The following UBE2H variants were observed in gnomAD, a reference collection of about 807,000 sequenced individuals.
UBE2H encodes ubiquitin conjugating enzyme E2 H.
A neutral mutation model predicts 29.0 loss-of-function variants in UBE2H; 3 were observed. The observed-to-expected ratio is 0.10, with a 90% CI of 0.05 to 0.27. The LOEUF is 0.27. Among genes scored for constraint, UBE2H ranks in the 10% least tolerant of loss-of-function variants. The probability of loss-of-function intolerance (pLI) is 1.00; values close to 1 mark genes in which losing one functional copy is unlikely to be tolerated. For missense variants in UBE2H, 68 were observed against 228.2 expected (o/e 0.30, Z 4.52); for synonymous variants, 69 against 82.9 (o/e 0.83, Z 0.91).
chr7:129,920,683 T>C (rs994086091), intron 1 of UBE2H, among the ~76,000 whole-genome samples: 2 of 152,022 alleles, frequency 1.3e-5, no homozygotes, highest in African/African-American at 4.8e-5. Context: ...GAGGCTTTAG[T>C]GTAACTTCAG....
chr7:129,932,154 G>A (rs1359018993), intron 1 of UBE2H, among the ~76,000 whole-genome samples: 2 of 144,490 alleles, frequency 1.4e-5, no homozygotes, highest in African/African-American at 5.2e-5. Flanking sequence ...ATGGAGTCTC[G>A]CTCTTGTTGC....
At chr7:129,907,164 C>T (rs1427200875) in intron 1 of UBE2H, among the ~76,000 whole-genome samples, 1 of 151,640 alleles carries the variant, frequency 6.6e-6, no homozygotes. Flanking sequence ...GTGCTAAAAA[C>T]TCCGTTGTAC....
intron 1 of UBE2H, among the ~76,000 whole-genome samples, chr7:129,937,605 G>A (rs1441410349): frequency 6.6e-6 from 1 of 152,132 alleles, no homozygotes; most frequent in African/African-American, 2.4e-5. Flanking sequence ...AACAACACAG[G>A]TATACTCACA....
At chr7:129,934,638 TAAAAA>T (rs758214225) in intron 1 of UBE2H, among the ~76,000 whole-genome samples, 10 of 65,840 alleles carry the variant, frequency 1.5e-4, no homozygotes, top group African/African-American at 4.1e-4. Context: ...ACTCCGTCTT[TAAAAA>T]AAAAAAAAAA....
At chr7:129,901,283 C>A (rs1428197430) in intron 1 of UBE2H, among the ~76,000 whole-genome samples, 1 of 152,164 alleles carries the variant, frequency 6.6e-6, no homozygotes, top group Non-Finnish European at 1.5e-5. Flanking sequence ...GGAGCCCAGG[C>A]AGTCTAGTTC....
intron 1 of UBE2H, among the ~76,000 whole-genome samples, chr7:129,929,078 G>A (rs1047511859): frequency 6.6e-6 from 1 of 152,184 alleles, no homozygotes; most frequent in Non-Finnish European, 1.5e-5. Flanking sequence ...CAGCACTTTG[G>A]GAGGCCGAGG....
chr7:129,915,299 G>A (rs1400951926), intron 1 of UBE2H, among the ~76,000 whole-genome samples: 1 of 152,146 alleles, frequency 6.6e-6, no homozygotes, highest in Non-Finnish European at 1.5e-5. Flanking sequence ...CACTTTGAGA[G>A]GTTGAGACGG....
At chr7:129,929,654 CT>C (rs1211389401) in intron 1 of UBE2H, among the ~76,000 whole-genome samples, 1 of 152,202 alleles carries the variant, frequency 6.6e-6, no homozygotes, top group Non-Finnish European at 1.5e-5. Context: ...AATATTCCTT[CT>C]TAGCTAAATG....
At chr7:129,866,479 T>C (rs933051308) in intron 3 of UBE2H, among the ~76,000 whole-genome samples, 2 of 152,212 alleles carry the variant, frequency 1.3e-5, no homozygotes, top group South Asian at 2.1e-4. Context: ...GGGTCGTTCA[T>C]ATAACCACAC....
intron 1 of UBE2H, among the ~76,000 whole-genome samples, chr7:129,903,481 G>A (rs1293876066): frequency 2.0e-5 from 3 of 152,146 alleles, no homozygotes; most frequent in South Asian, 2.1e-4. Context: ...TGAAATTCTC[G>A]GCCAGGCATA....
chr7:129,902,411 G>C (rs950021638), intron 1 of UBE2H, among the ~76,000 whole-genome samples: 9 of 152,242 alleles, frequency 5.9e-5, no homozygotes, highest in Non-Finnish European at 1.2e-4. Context: ...TGAGGCAGGA[G>C]AATCGCTTGG....
intron 3 of UBE2H, among the ~76,000 whole-genome samples, chr7:129,862,834 C>T (rs1167987911): frequency 1.3e-5 from 2 of 152,162 alleles, no homozygotes; most frequent in Admixed American, 6.5e-5. Context: ...AGACTAGTGC[C>T]TGAACAGTGA....
chr7:129,922,816 G>A (rs1807189905), intron 1 of UBE2H, among the ~76,000 whole-genome samples: 3 of 152,076 alleles, frequency 2.0e-5, no homozygotes, highest in Admixed American at 1.3e-4. Flanking sequence ...TGAACTCCTG[G>A]GCTTAAACGA....
intron 1 of UBE2H, among the ~76,000 whole-genome samples, chr7:129,946,777 T>A (rs926801612): frequency 3.3e-5 from 5 of 152,232 alleles, no homozygotes; most frequent in Non-Finnish European, 5.9e-5. Flanking sequence ...TTTTCCTTCT[T>A]GTAACCTATG....
intron 1 of UBE2H, among the ~76,000 whole-genome samples, chr7:129,896,254 T>C (rs1230827902): frequency 6.6e-6 from 1 of 151,656 alleles, no homozygotes; most frequent in Non-Finnish European, 1.5e-5. Context: ...GGAGAATCGC[T>C]TGAATCTAGG....
chr7:129,917,490 G>T lies in UBE2H; in HGVS notation c.53+35013C>A, dbSNP rs1487279008. 3.3e-5 allele frequency among the ~76,000 whole-genome samples: 5 copies of T among 152,242 alleles called. No homozygotes were observed. In the East Asian group the frequency reaches 9.6e-4, roughly 29 times the overall value. Reference sequence around the variant, plus strand: ...AGTCTGGGGTGCAGGGAGGTTGGTGGTAACAAAAGACCATGAGGCTGAGAC... The same window carrying T: ...AGTCTGGGGTGCAGGGAGGTTGGTGTTAACAAAAGACCATGAGGCTGAGAC... On this transcript the variant is annotated intron_variant, in intron 1 of 6. Coordinates refer to ENST00000355621, the MANE Select transcript of UBE2H (RefSeq NM_003344.4).
rs567097154 is a variant in UBE2H at position 129,925,230 on chromosome 7, C to T, written c.53+27273G>A. Reference sequence around the variant, plus strand: ...GGGCGTAGTGGCGAGCTCCTGTAATCCCAGCTACTCGGGAGGCTGACGAAG... The same window carrying T: ...GGGCGTAGTGGCGAGCTCCTGTAATTCCAGCTACTCGGGAGGCTGACGAAG... On this transcript the variant is annotated intron_variant, in intron 1 of 6. Transcript: ENST00000355621. Among the ~76,000 whole-genome samples the T allele has an allele frequency of 6.6e-5, 10 of 152,138 alleles. No homozygotes were observed. In the South Asian group the frequency reaches 2.1e-3, roughly 32 times the overall value.
At position 129,952,848 on chromosome 7, in the gene UBE2H, C is replaced by G. The variant is rs1374671180; in HGVS notation, c.-293G>C. The G allele has an allele frequency of 4.1e-6, 1 of 246,238 alleles. No homozygotes were observed. Among genetic ancestry groups the G allele is most frequent in the Non-Finnish European group, 7.7e-6 (1 of 129,972 alleles). The allele number at this position is 246,238 out of a possible 1,614,324, so 15.3% of individuals were successfully genotyped here. On this transcript the variant is annotated 5_prime_UTR_variant, in exon 1 of 7. Transcript: ENST00000355621. ...CTGCGCCGCGCGACGCTCCCTCCTG[C>G]CTGCTGTGGCTCGCTCGCCTGCTCC...
intron 3 of UBE2H, among the ~76,000 whole-genome samples, chr7:129,871,442 C>T (rs1362497670): frequency 6.6e-6 from 1 of 152,164 alleles, no homozygotes; most frequent in Non-Finnish European, 1.5e-5. Context: ...TGGCCAGGCA[C>T]GTTGGCTCAC....
Sources: allele counts gnomAD v4.1 joint callset (sites outside exome capture counted in the v4.1 genomes callset), GRCh38; gene constraint gnomAD v4.1.1; transcripts MANE v1.5; gene names NCBI Gene and HGNC (gene_info 2026-07-23, HGNC 2026-07-21).